Variants in JADE2 observed in about 807,000 individuals in gnomAD.
JADE2 encodes the protein jade family PHD finger 2.
In JADE2, 13 loss-of-function variants were observed where a neutral mutation model predicts 85.7. The observed-to-expected ratio is 0.15, with a 90% CI of 0.10 to 0.24. The LOEUF (loss-of-function observed/expected upper bound fraction) is 0.24, where lower values mean the gene tolerates loss of function less well. Among genes scored for constraint, JADE2 ranks in the 10% least tolerant of loss-of-function variants. JADE2 has a pLI of 1.00. For missense variants in JADE2, 846 were observed against 1,115.9 expected (o/e 0.76, Z 3.45); for synonymous variants, 440 against 456.1 (o/e 0.96, Z 0.45).
At chr5:134,543,851 C>T (rs978062921) in intron 3 of JADE2, among the ~76,000 whole-genome samples, 17 of 152,112 alleles carry the variant, frequency 1.1e-4, no homozygotes, top group African/African-American at 4.1e-4. Flanking sequence ...GGAGGCTCTC[C>T]AGCCTGGTTC....
At chr5:134,537,281 C>T (rs1761651853) in intron 2 of JADE2, among the ~76,000 whole-genome samples, 1 of 152,202 alleles carries the variant, frequency 6.6e-6, no homozygotes, top group South Asian at 2.1e-4. Context: ...TCCTTTGATT[C>T]ATAAGGGCGG....
chr5:134,546,790 A>G (rs1470850487), intron 3 of JADE2, among the ~76,000 whole-genome samples: 1 of 152,130 alleles, frequency 6.6e-6, no homozygotes, highest in Non-Finnish European at 1.5e-5. Context: ...ATGTGTATAT[A>G]TAATTACACA....
chr5:134,549,021 C>T (rs1321873083), intron 3 of JADE2, among the ~76,000 whole-genome samples: 3 of 152,110 alleles, frequency 2.0e-5, no homozygotes. Context: ...GTATGCAGTG[C>T]CAGGCACTGA....
intron 1 of JADE2, chr5:134,526,483 T>C: frequency 1.0e-6 from 1 of 985,200 alleles, no homozygotes; most frequent in Non-Finnish European, 1.2e-6. Flanking sequence ...TGGAGCTATC[T>C]GCCCTCCTGT....
rs1455872773 is a variant in JADE2, at chr5:134,562,418, G to A, written c.852+51G>A. On this transcript the variant is annotated intron_variant, in intron 7 of 11. Transcript: ENST00000681547. This position sits in a 1 kb window ranked among gnomAD's most constrained non-coding sequence, Gnocchi z 4.6. The stretch of plus-strand genomic sequence containing the variant: ...CCCAAGGAATAGCCCGTGGGGAAGT[G>A]GGTCTGCATGGGACTCAGGTAGCAG... 2.0e-6 allele frequency: 3 copies of A among 1,519,358 alleles called. No individual in the cohort carries two copies. The African/African-American group carries it at 4.1e-5, about 21-fold the overall frequency. 94.1% of individuals were successfully genotyped at this position (1,519,358 alleles called of 1,614,324 possible). A position where few individuals can be genotyped will look rare whatever the true frequency, so the allele number is the denominator to read the frequency against.
chr5:134,542,995 G>C (rs2149900240), intron 3 of JADE2, among the ~76,000 whole-genome samples: 1 of 151,518 alleles, frequency 6.6e-6, no homozygotes, highest in African/African-American at 2.4e-5. Flanking sequence ...AGGAAGTGCT[G>C]GGATTACAGG....
chr5:134,550,961 G>A (rs1230366687), intron 3 of JADE2, among the ~76,000 whole-genome samples: 3 of 152,100 alleles, frequency 2.0e-5, no homozygotes, highest in Non-Finnish European at 2.9e-5. Context: ...ACACAAAGCC[G>A]GTCGAGTTAG....
At chr5:134,573,619 G>A (rs757635032) in intron 9 of JADE2, 26 bp from the exon 10 acceptor site, 1 of 1,563,218 alleles carries the variant, frequency 6.4e-7, no homozygotes, top group South Asian at 1.1e-5. Context: ...TGTGAGTAAG[G>A]TGGAAAATCT....
chr5:134,577,948 A>C (rs764786216), intron 11 of JADE2, among the ~76,000 whole-genome samples: 1 of 152,188 alleles, frequency 6.6e-6, no homozygotes, highest in African/African-American at 2.4e-5. Context: ...GGCAACGCTT[A>C]TAAAGACTGA....
chr5:134,569,485 C>T (rs547446643), intron 9 of JADE2, among the ~76,000 whole-genome samples: 1 of 152,314 alleles, frequency 6.6e-6, no homozygotes, highest in African/African-American at 2.4e-5. Flanking sequence ...TGCAGCCTCC[C>T]AGAGTTATTT....
Position 134,538,204 on chromosome 5 carries a change from G to A in JADE2, c.153+121G>A, listed in dbSNP as rs139621122. On this transcript the variant is annotated intron_variant, in intron 3 of 11. Coordinates refer to ENST00000681547, the MANE Select transcript of JADE2 (RefSeq NM_001388185.1). Reference sequence around the variant, plus strand: ...AGTGCAGAGGGAGGCCAGCGTGGCCGAGTGGAATGAAGGGGAGTAGGGGCC... The same window carrying A: ...AGTGCAGAGGGAGGCCAGCGTGGCCAAGTGGAATGAAGGGGAGTAGGGGCC... 1.1e-5 allele frequency: 8 copies of A among 726,728 alleles called. No individual in the cohort carries two copies. The Admixed American group carries it at 1.5e-4, about 13-fold the overall frequency. 45.0% of individuals were successfully genotyped at this position (726,728 alleles called of 1,614,324 possible).
chr5:134,577,082 C>T (rs1764416324), intron 11 of JADE2, 186 bp downstream of exon 11: 5 of 629,414 alleles, frequency 7.9e-6, no homozygotes, highest in Non-Finnish European at 1.3e-5. Flanking sequence ...TCTCAGAGCC[C>T]CGTGTGACAT....
rs745892148 is a variant in JADE2 at position 134,566,565 on chromosome 5, G to A, written c.1419G>A (p.Arg473=). 3 of 1,561,230 alleles carry A rather than the reference G, an allele frequency of 1.9e-6. No homozygotes were observed. The highest frequency in any genetic ancestry group is 2.6e-6 in the Non-Finnish European group (3 of 1,152,418). Residue 473 remains arginine, a synonymous_variant, in exon 9 of 12, where the codon CGG becomes CGA. Coordinates refer to ENST00000681547, the MANE Select transcript of JADE2 (RefSeq NM_001388185.1). The surrounding 1 kb of genome is among the most constrained non-coding windows in gnomAD (Gnocchi z 6.7). ...YRRLKLFTHL[R]QDLERVRNLC... ...GCCTGAAGCTCTTCACCCATCTGCG[G>A]CAGGACCTAGAGAGGGTGAGTCCCC...
intron 10 of JADE2, 148 bp downstream of exon 10, chr5:134,573,910 A>G (rs1764202822): frequency 1.4e-6 from 1 of 733,856 alleles, no homozygotes; most frequent in East Asian, 2.5e-5. Context: ...TTCACCATCC[A>G]ATTAGTAGGC....
rs1007664429 is a variant in JADE2, at chr5:134,562,583, G to A, written c.852+216G>A. On this transcript the variant is annotated intron_variant, in intron 7 of 11. Transcript: ENST00000681547. This position sits in a 1 kb window ranked among gnomAD's most constrained non-coding sequence, Gnocchi z 4.6. ...AGTTCAGGCATTCAAGACCAGCCTG[G>A]CCAACATAGCAAAACCCCCTCTCTA... Among the ~76,000 whole-genome samples, 2 of 152,120 alleles carry A rather than the reference G, an allele frequency of 1.3e-5. No individual in the cohort carries two copies. Among genetic ancestry groups the A allele is most frequent in the African/African-American group, 2.4e-5 (1 of 41,422 alleles).
intron 8 of JADE2, among the ~76,000 whole-genome samples, chr5:134,565,572 C>T (rs1170270690): frequency 6.6e-6 from 1 of 152,108 alleles, no homozygotes; most frequent in Non-Finnish European, 1.5e-5. Flanking sequence ...AGGCCAGGCA[C>T]GGTGGCTCAC....
chr5:134,558,721 A>G (rs1554127744), intron 4 of JADE2, among the ~76,000 whole-genome samples: 1 of 152,242 alleles, frequency 6.6e-6, no homozygotes, highest in Non-Finnish European at 1.5e-5. Flanking sequence ...TATTTTTAGT[A>G]GAGATGGGGT....
At position 134,570,794 on chromosome 5, in the gene JADE2, G is replaced by T. The variant is rs138176422; in HGVS notation, c.1435-2851G>T. Among the ~76,000 whole-genome samples the T allele has an allele frequency of 5.1e-3, 773 of 152,230 alleles. 1 individual carries two copies. Among genetic ancestry groups the T allele is most frequent in the Middle Eastern group, 0.044 (13 of 294 alleles). ...GGTCATCCATTGCTCTCCCCTGACT[G>T]CTCACTCCCAGGGCTGGAGACCTCA... On this transcript the variant is annotated intron_variant, in intron 9 of 11. Coordinates refer to ENST00000681547, the MANE Select transcript of JADE2 (RefSeq NM_001388185.1).
At chr5:134,544,198 C>T (rs963201084) in intron 3 of JADE2, among the ~76,000 whole-genome samples, 5 of 152,202 alleles carry the variant, frequency 3.3e-5, no homozygotes, top group East Asian at 3.8e-4. Context: ...GTCTCTGGAC[C>T]GGGAGCTGCT....
Sources: allele counts gnomAD v4.1 joint callset (sites outside exome capture counted in the v4.1 genomes callset), GRCh38; gene constraint gnomAD v4.1.1; non-coding constraint Gnocchi (gnomAD v3.1); transcripts MANE v1.5; gene names NCBI Gene and HGNC (gene_info 2026-07-23, HGNC 2026-07-21).